DOT1L: variants seen among roughly 807,000 people sequenced by gnomAD.
The protein encoded by DOT1L is DOT1 like histone lysine methyltransferase, also known as histone-lysine N-methyltransferase, H3 lysine-79 specific.
In DOT1L, 33 loss-of-function variants were observed where a neutral mutation model predicts 153.3. That is an observed-to-expected ratio of 0.22 (90% confidence interval 0.16 to 0.29). The LOEUF is 0.29. Among genes scored for constraint, DOT1L ranks in the 10% least tolerant of loss-of-function variants. The pLI is 1.00. For synonymous variants in DOT1L, 1,135 were observed against 965.1 expected, an observed-to-expected ratio of 1.18 and a Z score of -3.26; for missense variants, 1,847 against 2,119.9, an observed-to-expected ratio of 0.87 and a Z score of 2.53.
rs1034199914 is a variant in DOT1L at position 2,190,353 on chromosome 19, G to A, written c.264+558G>A. Among the ~76,000 whole-genome samples, 9 of 152,222 alleles carry A rather than the reference G, an allele frequency of 5.9e-5. No individual in the cohort carries two copies. Among genetic ancestry groups the A allele is most frequent in the South Asian group, 2.1e-4 (1 of 4,820 alleles). ...GGGGCCCCTGGTGCATGGGGGTAGG[G>A]GAGCTCTTTCTTGAAGGTCTTGCTG... is the stretch of plus-strand genomic sequence containing the variant. On this transcript the variant is annotated intron_variant, in intron 4 of 27. Coordinates refer to ENST00000398665, the MANE Select transcript of DOT1L (RefSeq NM_032482.3). This position sits in a 1 kb window ranked among gnomAD's most constrained non-coding sequence, Gnocchi z 4.8.
chr19:2,211,716 C>T (rs529020963), intron 15 of DOT1L, 35 bp from the exon 16 acceptor site: 13 of 1,529,324 alleles, frequency 8.5e-6, no homozygotes, highest in Non-Finnish European at 9.8e-6. Flanking sequence ...GTCTCAGCTG[C>T]TCTCTTCTCA....
Position 2,224,462 on chromosome 19 carries a change from C to G in DOT1L, c.3597-926C>G, listed in dbSNP as rs1278882087. 3.8e-5 allele frequency among the ~76,000 whole-genome samples: 5 copies of G among 130,280 alleles called. 1 individual carries two copies. In the Middle Eastern group the frequency reaches 0.012, roughly 310 times the overall value. 85.5% of individuals were successfully genotyped at this position (130,280 alleles called of 152,430 possible). ...TGATATAACATGGTAGGGTTTTTTG[C>G]TTTTTTTTTTTTTTTTTTCCTGAGA... On this transcript the variant is annotated intron_variant, in intron 25 of 27. Transcript: ENST00000398665.
At chr19:2,165,809 C>G (rs999352225) in intron 1 of DOT1L, among the ~76,000 whole-genome samples, 4 of 151,502 alleles carry the variant, frequency 2.6e-5, no homozygotes, top group African/African-American at 9.7e-5. Flanking sequence ...CGATCTGTCG[C>G]CAAAGCTGGA....
chr19:2,186,029 C>G (rs2022491341), intron 3 of DOT1L, 100 bp downstream of exon 3: 1 of 1,126,260 alleles, frequency 8.9e-7, no homozygotes, highest in Non-Finnish European at 1.3e-6. Context: ...TTAGATGGTG[C>G]AAGCTGATCT....
intron 27 of DOT1L, chr19:2,227,991 C>T (rs1206957885): frequency 3.9e-6 from 5 of 1,282,768 alleles, no homozygotes; most frequent in African/African-American, 1.5e-5. Context: ...CCTCCACGCC[C>T]CCCCTCCACC....
rs373974494 is a variant in DOT1L at position 2,216,201 on chromosome 19, G to A, written c.1924-80G>A. ...CAGCGGGGGTCCTGGCCACCCCTCC[G>A]GGTGTCCATCTGTGGCAGTCTTGGT... On this transcript the variant is annotated intron_variant, in intron 19 of 27. Coordinates refer to ENST00000398665, the MANE Select transcript of DOT1L (RefSeq NM_032482.3). 55 of 1,495,310 alleles carry A rather than the reference G, an allele frequency of 3.7e-5. No homozygotes were observed. In the African/African-American group the frequency reaches 3.8e-4, roughly 10 times the overall value. 92.6% of individuals were successfully genotyped at this position (1,495,310 alleles called of 1,614,324 possible).
chr19:2,173,602 C>T lies in DOT1L; in HGVS notation c.82-7111C>T, dbSNP rs112575468. 6.7e-3 allele frequency among the ~76,000 whole-genome samples: 1,028 copies of T among 152,298 alleles called. 8 individuals are homozygous for T. Among genetic ancestry groups the T allele is most frequent in the African/African-American group, 0.023 (953 of 41,550 alleles). On this transcript the variant is annotated intron_variant, in intron 1 of 27. Transcript: ENST00000398665. Reference sequence around the variant, plus strand: ...GTGCAGACACTCACTGGAGGCCAGCCGGGTGGTGCCATCCGACCACCCTTC... The same window carrying T: ...GTGCAGACACTCACTGGAGGCCAGCTGGGTGGTGCCATCCGACCACCCTTC...
intron 7 of DOT1L, among the ~76,000 whole-genome samples, chr19:2,199,221 G>A (rs920063533): frequency 4.6e-5 from 7 of 152,252 alleles, no homozygotes; most frequent in Non-Finnish European, 8.8e-5. Context: ...GGCTGCAGCT[G>A]GCCTTGCTGT....
At chr19:2,175,925 G>T (rs1430043862) in intron 1 of DOT1L, among the ~76,000 whole-genome samples, 1 of 152,100 alleles carries the variant, frequency 6.6e-6, no homozygotes, top group Non-Finnish European at 1.5e-5. Context: ...GGGCTCTTCC[G>T]CACAGAGGCT....
At chr19:2,173,095 GA>G (rs1446038612) in intron 1 of DOT1L, among the ~76,000 whole-genome samples, 3 of 152,136 alleles carry the variant, frequency 2.0e-5, no homozygotes, top group Non-Finnish European at 4.4e-5. Context: ...ACCCCAAAAG[GA>G]AACGCTGCCG....
intron 12 of DOT1L, among the ~76,000 whole-genome samples, chr19:2,209,911 G>A (rs1332064030): frequency 3.9e-5 from 6 of 152,180 alleles, no homozygotes; most frequent in Admixed American, 3.3e-4. Flanking sequence ...GGAACGGCCC[G>A]AGGTGGCCGG....
chr19:2,199,277 G>A (rs1459840127), intron 7 of DOT1L, among the ~76,000 whole-genome samples: 2 of 152,234 alleles, frequency 1.3e-5, no homozygotes, highest in African/African-American at 2.4e-5. Context: ...TTAGCAGGCC[G>A]TCAGCGGTGC....
intron 3 of DOT1L, among the ~76,000 whole-genome samples, chr19:2,187,852 G>A (rs369693835): frequency 7.2e-5 from 11 of 151,726 alleles, no homozygotes; most frequent in Non-Finnish European, 1.5e-4. Flanking sequence ...AACCCGGGAG[G>A]CGGAGCTTGC....
In DOT1L at chr19:2,220,358, T is replaced by G. The variant is rs1432555309; in HGVS notation, c.2806+136T>G. 3.5e-6 allele frequency: 3 copies of G among 846,336 alleles called. No individual in the cohort carries two copies. The highest frequency in any genetic ancestry group is 3.9e-6 in the Non-Finnish European group (2 of 517,494). The allele number at this position is 846,336 out of a possible 1,614,324, so 52.4% of individuals were successfully genotyped here. On this transcript the variant is annotated intron_variant, in intron 23 of 27. Coordinates refer to ENST00000398665, the MANE Select transcript of DOT1L (RefSeq NM_032482.3). This position sits in a 1 kb window ranked among gnomAD's most constrained non-coding sequence, Gnocchi z 4.5. Reference sequence around the variant, plus strand: ...GGCTGCTGCCCCAAACCGCCACGCCTCATTACTGACACCCTTTCCTGCATC... The same window carrying G: ...GGCTGCTGCCCCAAACCGCCACGCCGCATTACTGACACCCTTTCCTGCATC...
chr19:2,216,614 A>C lies in DOT1L; in HGVS notation c.2257A>C (p.Ser753Arg). 3 of 1,606,914 alleles carry C rather than the reference A, an allele frequency of 1.9e-6. No individual in the cohort carries two copies. Among genetic ancestry groups the C allele is most frequent in the Non-Finnish European group, 2.5e-6 (3 of 1,179,892 alleles). The stretch of plus-strand genomic sequence containing the variant: ...CCAGGAGGTGGTGCCCTGTACCCCT[A>C]GCCACGTCGGCCGGCCGCGCCTGGA... ...LDQEVVPCTP[S>R]HVGRPRLEKL... is the part of the protein sequence containing the mutation. Residue 753 changes from serine to arginine, a missense_variant, in exon 20 of 28, where the codon AGC (serine) becomes CGC (arginine). By Grantham distance (110) the Ser-to-Arg change is moderately radical (BLOSUM62 -1). This residue lies in a region of DOT1L where 281 missense variants were observed against 263.6 expected (regional missense o/e 1.07). Transcript: ENST00000398665.
At chr19:2,188,603 ATC>A (rs2022653775) in intron 3 of DOT1L, among the ~76,000 whole-genome samples, 1 of 147,870 alleles carries the variant, frequency 6.8e-6, no homozygotes, top group African/African-American at 2.5e-5. Flanking sequence ...CCCTGCCTCC[ATC>A]TCTTGCTTGC....
At chr19:2,228,024 C>G (rs1226599030) in intron 27 of DOT1L, 1 of 1,300,204 alleles carries the variant, frequency 7.7e-7, no homozygotes, top group South Asian at 1.2e-5. Flanking sequence ...GCCTCCTCCC[C>G]CAACGCTGCT....
At chr19:2,227,960 G>C in intron 27 of DOT1L, 2 of 1,243,130 alleles carry the variant, frequency 1.6e-6, no homozygotes, top group Non-Finnish European at 2.1e-6. Context: ...ACCTGGGCCG[G>C]TCCCCCGCGG....
intron 8 of DOT1L, among the ~76,000 whole-genome samples, chr19:2,200,721 C>T (rs1005170426): frequency 3.3e-5 from 5 of 151,928 alleles, no homozygotes; most frequent in Non-Finnish European, 7.4e-5. Context: ...TCCTCGTCCT[C>T]CCCGCATTCC....
Sources: allele counts gnomAD v4.1 joint callset (sites outside exome capture counted in the v4.1 genomes callset), GRCh38; gene constraint gnomAD v4.1.1; regional missense constraint gnomAD v4.1.1; non-coding constraint Gnocchi (gnomAD v3.1); transcripts MANE v1.5; gene names NCBI Gene and HGNC (gene_info 2026-07-23, HGNC 2026-07-21).